Variants in GRIP1 observed in about 807,000 individuals in gnomAD.
GRIP1 encodes glutamate receptor-interacting protein 1.
Under a neutral mutation model 129.9 loss-of-function variants are expected in GRIP1, and 45 were observed. The ratio of observed to expected loss-of-function variants is 0.35; its 90% confidence interval spans 0.27 to 0.44. The LOEUF is 0.44. Among genes scored for constraint, GRIP1 ranks in the 20% least tolerant of loss-of-function variants. GRIP1 has a pLI of 1.00. For synonymous variants in GRIP1, 530 were observed against 520.8 expected (o/e 1.02, Z -0.24); for missense variants, 1,196 against 1,396.8 (o/e 0.86, Z 2.29).
rs1349262716 is a variant in GRIP1 at position 66,585,470 on chromosome 12, T to C, written c.136+11377A>G. ...TGGCTGCATAGTATTCCATGGTGTA[T>C]ATGTGCTACATTTTCTTAATCCAGT... On this transcript the variant is annotated intron_variant, in intron 2 of 24. Coordinates refer to ENST00000359742, the MANE Select transcript of GRIP1 (RefSeq NM_001366722.1). Among the ~76,000 whole-genome samples, 3 of 136,700 alleles carry C rather than the reference T, an allele frequency of 2.2e-5. No individual in the cohort carries two copies. The Admixed American group carries it at 2.3e-4, about 10-fold the overall frequency. The allele number at this position is 136,700 out of a possible 152,430, so 89.7% of individuals were successfully genotyped here. A position where few individuals can be genotyped will look rare whatever the true frequency, so the allele number is the denominator to read the frequency against.
intron 7 of GRIP1, among the ~76,000 whole-genome samples, chr12:66,509,438 A>T (rs1321921426): frequency 6.6e-6 from 1 of 152,196 alleles, no homozygotes; most frequent in Non-Finnish European, 1.5e-5. Flanking sequence ...ACAGAGAGCC[A>T]AAATCCAAAA....
At chr12:66,647,879 C>T (rs2136125272) in intron 1 of GRIP1, among the ~76,000 whole-genome samples, 1 of 152,276 alleles carries the variant, frequency 6.6e-6, no homozygotes, top group South Asian at 2.1e-4. Flanking sequence ...TTTATCTTTA[C>T]CAGCTGTGTG....
At chr12:66,842,491 G>A (rs781509733) in intron 1 of GRIP1, among the ~76,000 whole-genome samples, 17 of 152,236 alleles carry the variant, frequency 1.1e-4, no homozygotes, top group Non-Finnish European at 2.1e-4. Context: ...GTTGTTATGA[G>A]TCTTCAATGA....
At chr12:66,594,778 T>C (rs1203033270) in intron 2 of GRIP1, among the ~76,000 whole-genome samples, 2 of 152,198 alleles carry the variant, frequency 1.3e-5, no homozygotes, top group Admixed American at 6.5e-5. Flanking sequence ...GTGGACATGG[T>C]AGGTGATTGC....
In GRIP1 at chr12:67,012,174, A is replaced by G. The variant is rs775915474; in HGVS notation, c.58+56876T>C. On this transcript the variant is annotated intron_variant, in intron 1 of 1. Coordinates refer to the GRIP1 transcript ENST00000643019. ...TATATCTCTGTGGATCAATAAGTAC[A>G]AGCTGTAGGAGAGAAGATTTGTATT... 5.3e-5 allele frequency among the ~76,000 whole-genome samples: 8 copies of G among 152,208 alleles called. 1 individual carries two copies. Among genetic ancestry groups the G allele is most frequent in the African/African-American group, 1.9e-4 (8 of 41,464 alleles).
intron 15 of GRIP1, among the ~76,000 whole-genome samples, chr12:66,408,245 G>A (rs573782914): frequency 1.5e-4 from 23 of 152,280 alleles, no homozygotes; most frequent in Non-Finnish European, 2.9e-4. Context: ...TTGGGAGGCC[G>A]AGGTGGGTGG....
At chr12:66,854,411 A>T (rs894130582) in intron 1 of GRIP1, among the ~76,000 whole-genome samples, 4 of 152,012 alleles carry the variant, frequency 2.6e-5, no homozygotes, top group African/African-American at 9.7e-5. Flanking sequence ...ATTGAGGAAA[A>T]TGAGAGCTTC....
At chr12:66,358,636 A>G (rs1363398576) in intron 23 of GRIP1, among the ~76,000 whole-genome samples, 9 of 152,026 alleles carry the variant, frequency 5.9e-5, no homozygotes, top group Admixed American at 3.9e-4. Context: ...TTTAGCAGAG[A>G]CAGGGTTTCG....
intron 7 of GRIP1, among the ~76,000 whole-genome samples, chr12:66,511,048 C>A (rs1344067237): frequency 6.6e-6 from 1 of 152,082 alleles, no homozygotes; most frequent in East Asian, 1.9e-4. Flanking sequence ...TGAATTGTAG[C>A]TCTCACAATT....
intron 7 of GRIP1, among the ~76,000 whole-genome samples, chr12:66,474,393 G>A (rs562082792): frequency 6.6e-6 from 1 of 152,258 alleles, no homozygotes; most frequent in Admixed American, 6.5e-5. Context: ...AACTGAGCTG[G>A]AAAACACTCT....
At chr12:66,734,226 G>C (rs950355669) in intron 1 of GRIP1, among the ~76,000 whole-genome samples, 3 of 152,156 alleles carry the variant, frequency 2.0e-5, no homozygotes, top group African/African-American at 7.2e-5. Context: ...TTATTTTCCA[G>C]AGAATAATAA....
chr12:66,821,386 A>G (rs1329938656), intron 1 of GRIP1, among the ~76,000 whole-genome samples: 3 of 152,200 alleles, frequency 2.0e-5, no homozygotes, highest in African/African-American at 7.2e-5. Context: ...AGATCTTCAT[A>G]ACTGTTATAT....
At chr12:66,723,304 CTTTTTTTTTTT>C (rs57938064) in intron 1 of GRIP1, among the ~76,000 whole-genome samples, 19 of 58,388 alleles carry the variant, frequency 3.3e-4, no homozygotes, top group African/African-American at 6.8e-4. Flanking sequence ...TTCTTTCTTT[CTTTTTTTTTTT>C]TTTTTTTTTT....
intron 1 of GRIP1, among the ~76,000 whole-genome samples, chr12:66,702,203 T>A (rs1049776042): frequency 6.6e-6 from 1 of 152,178 alleles, no homozygotes; most frequent in Non-Finnish European, 1.5e-5. Flanking sequence ...ATTATATTCA[T>A]GATATTCCAT....
At chr12:66,551,173 G>A (rs1481917569) in intron 2 of GRIP1, among the ~76,000 whole-genome samples, 2 of 152,166 alleles carry the variant, frequency 1.3e-5, no homozygotes, top group Non-Finnish European at 2.9e-5. Flanking sequence ...ACGTTTTTAA[G>A]CATTTATAAT....
chr12:66,496,977 C>G (rs979839351), intron 7 of GRIP1, among the ~76,000 whole-genome samples: 1 of 151,600 alleles, frequency 6.6e-6, no homozygotes, highest in Non-Finnish European at 1.5e-5. Flanking sequence ...GTTACTGCAT[C>G]TTTTACTACT....
chr12:66,865,791 A>C (rs2040195369), intron 1 of GRIP1, among the ~76,000 whole-genome samples: 1 of 152,080 alleles, frequency 6.6e-6, no homozygotes, highest in African/African-American at 2.4e-5. Flanking sequence ...GCAAATACAA[A>C]TCTGTATGCT....
At chr12:67,040,084 C>T (rs1364267641) in intron 1 of GRIP1, among the ~76,000 whole-genome samples, 5 of 152,166 alleles carry the variant, frequency 3.3e-5, no homozygotes, top group South Asian at 2.1e-4. Context: ...ACGCTGCTTT[C>T]GTCTTAGAAA....
chr12:66,903,784 A>G (rs1354662557), intron 1 of GRIP1, among the ~76,000 whole-genome samples: 1 of 152,220 alleles, frequency 6.6e-6, no homozygotes, highest in Non-Finnish European at 1.5e-5. Flanking sequence ...GACAATAAAG[A>G]TTTAGAGATC....
Sources: gnomAD v4.1 joint callset for allele counts (sites outside exome capture counted in the v4.1 genomes callset) on GRCh38, gnomAD v4.1.1 for gene constraint, MANE v1.5 for transcripts, NCBI Gene and HGNC (gene_info 2026-07-23, HGNC 2026-07-21) for gene names.